The following RNF212B variants were observed in gnomAD, a reference collection of about 807,000 sequenced individuals.
RNF212B encodes the protein E3 ubiquitin-protein ligase RNF212B.
A neutral mutation model predicts 55.5 loss-of-function variants in RNF212B; 52 were observed. The observed-to-expected ratio is 0.94, with a 90% CI of 0.75 to 1.18. The LOEUF (loss-of-function observed/expected upper bound fraction) is 1.18. Among genes scored for constraint, RNF212B ranks in the 50% most tolerant of loss-of-function variants. RNF212B has a pLI of 0.00. For synonymous variants in RNF212B, 99 were observed against 121.4 expected, an observed-to-expected ratio of 0.82 and a Z score of 1.21; for missense variants, 289 against 350.4, an observed-to-expected ratio of 0.82 and a Z score of 1.40.
At chr14:23,241,805 C>T (rs1311300243) in intron 2 of RNF212B, among the ~76,000 whole-genome samples, 1 of 151,018 alleles carries the variant, frequency 6.6e-6, no homozygotes, top group Non-Finnish European at 1.5e-5. Flanking sequence ...AAAACCTGGC[C>T]GGGCGCAGTG....
At position 23,216,879 on chromosome 14, in the gene RNF212B, C is replaced by CAAAAAAAAAAA. The variant is rs59923716; in HGVS notation, c.-1-23451_-1-23441dup. Among the ~76,000 whole-genome samples, 8 of 48,770 alleles carry CAAAAAAAAAAA rather than the reference C, an allele frequency of 1.6e-4. 3 individuals are homozygous for CAAAAAAAAAAA. Among genetic ancestry groups the CAAAAAAAAAAA allele is most frequent in the Non-Finnish European group, 1.7e-4 (5 of 29,376 alleles). The allele number at this position is 48,770 out of a possible 152,430, so 32.0% of individuals were successfully genotyped here. A position where few individuals can be genotyped will look rare whatever the true frequency, so the allele number is the denominator to read the frequency against. On this transcript the variant is annotated intron_variant, in intron 2 of 15. Transcript: ENST00000399910. ...TGGGTGACTGAATGTGACCCTGTCT[C>CAAAAAAAAAAA]AAAAAAAAAAAAAAAAAAAAAAAAA... is the stretch of plus-strand genomic sequence containing the variant.
intron 4 of RNF212B, among the ~76,000 whole-genome samples, chr14:23,250,819 G>T (rs531929355): frequency 2.0e-5 from 3 of 152,276 alleles, no homozygotes; most frequent in African/African-American, 7.2e-5. Flanking sequence ...TGGTTCGATC[G>T]GGAAAGGTGG....
chr14:23,205,348 A>G (rs1879736959), intron 2 of RNF212B, among the ~76,000 whole-genome samples: 1 of 151,740 alleles, frequency 6.6e-6, no homozygotes, highest in Admixed American at 6.6e-5. Context: ...GTTTTCCTAC[A>G]ATATATATTT....
intron 4 of RNF212B, among the ~76,000 whole-genome samples, chr14:23,254,938 G>A (rs1200280672): frequency 1.3e-5 from 2 of 152,138 alleles, no homozygotes; most frequent in South Asian, 2.1e-4. Flanking sequence ...ATAAAATAAA[G>A]TTTATACAAG....
At chr14:23,195,468 A>G (rs1439719393) in intron 2 of RNF212B, among the ~76,000 whole-genome samples, 2 of 152,174 alleles carry the variant, frequency 1.3e-5, no homozygotes, top group East Asian at 1.9e-4. Context: ...CTTTGTTCCC[A>G]TGATTCACCC....
At chr14:23,231,251 G>A (rs915486640) in intron 2 of RNF212B, among the ~76,000 whole-genome samples, 8 of 152,124 alleles carry the variant, frequency 5.3e-5, no homozygotes, top group Non-Finnish European at 1.0e-4. Context: ...AACAAGTCTT[G>A]TGCCTCTCCT....
chr14:23,202,489 T>C (rs888457739), intron 2 of RNF212B, among the ~76,000 whole-genome samples: 2 of 152,312 alleles, frequency 1.3e-5, no homozygotes, highest in Admixed American at 1.3e-4. Flanking sequence ...TTTCTTGCCC[T>C]GTGTCTCAGG....
chr14:23,185,993 A>G (rs1392905051), intron 1 of RNF212B, among the ~76,000 whole-genome samples: 1 of 152,102 alleles, frequency 6.6e-6, no homozygotes, highest in African/African-American at 2.4e-5. Context: ...CCAGCTACTC[A>G]GGAGGCTGAG....
chr14:23,266,206 G>A (rs1169991358), intron 11 of RNF212B, among the ~76,000 whole-genome samples: 4 of 151,840 alleles, frequency 2.6e-5, no homozygotes, highest in African/African-American at 4.8e-5. Flanking sequence ...TGATCTGCCC[G>A]CCTCAGCCTC....
At chr14:23,186,799 G>T (rs1475065449) in intron 1 of RNF212B, among the ~76,000 whole-genome samples, 1 of 152,162 alleles carries the variant, frequency 6.6e-6, no homozygotes, top group Non-Finnish European at 1.5e-5. Context: ...GAGGCTTAAA[G>T]AAATATTTTA....
At chr14:23,247,554 C>G (rs755662650) in intron 4 of RNF212B, among the ~76,000 whole-genome samples, 4 of 152,082 alleles carry the variant, frequency 2.6e-5, no homozygotes, top group Non-Finnish European at 5.9e-5. Flanking sequence ...ATAATGCTCT[C>G]AAGTTTCATC....
Position 23,240,424 on chromosome 14 carries a change from T to A in RNF212B, c.79T>A (p.Cys27Ser), listed in dbSNP as rs753470758. ...TGTCACCAGCTGTGGCCATATTTTC[T>A]GTAAAAAGTGTGTGACTCTGGGTGA... The part of the protein sequence containing the change: ...FFVTSCGHIF[C>S]KKCVTLEKCA... The change falls in exon 2 of 15, where the codon TGT becomes AGT. Residue 27 changes from cysteine (C) to serine (S), a missense_variant. Coordinates refer to ENST00000430154, the MANE Select transcript of RNF212B (RefSeq NM_001282322.3). 737 of 1,550,038 alleles carry A rather than the reference T, an allele frequency of 4.8e-4. 3 individuals carry two copies. Among genetic ancestry groups the A allele is most frequent in the South Asian group, 6.4e-4 (54 of 84,008 alleles).
intron 4 of RNF212B, among the ~76,000 whole-genome samples, chr14:23,250,792 A>G (rs1315155487): frequency 6.6e-6 from 1 of 152,206 alleles, no homozygotes. Context: ...ATCAATCAAC[A>G]TATGTATGAT....
At chr14:23,206,648 A>G (rs1668237046) in intron 2 of RNF212B, among the ~76,000 whole-genome samples, 1 of 152,308 alleles carries the variant, frequency 6.6e-6, no homozygotes, top group Admixed American at 6.5e-5. Context: ...AAATTTGCAC[A>G]TTAAAGGAAA....
chr14:23,236,176 C>G (rs1050472899), upstream of RNF212B, among the ~76,000 whole-genome samples: 4 of 152,198 alleles, frequency 2.6e-5, no homozygotes, highest in Admixed American at 2.6e-4. Context: ...ACTCTTCTCA[C>G]TAAATTTTTC....
intron 2 of RNF212B, among the ~76,000 whole-genome samples, chr14:23,229,791 A>G (rs761427295): frequency 4.6e-5 from 7 of 152,132 alleles, no homozygotes; most frequent in Non-Finnish European, 8.8e-5. Context: ...TCACATATTT[A>G]TTACTGAACC....
At position 23,231,743 on chromosome 14, in the gene RNF212B, G is replaced by T. The variant is rs567451648; in HGVS notation, c.-1-8602G>T. On this transcript the variant is annotated intron_variant, in intron 2 of 15. Transcript: ENST00000399910. ...TCGGCTCACTGCAACCTCCCTGCCT[G>T]ATTCTCCTGCCTCAGCCTGCCCAGT... 4.6e-3 allele frequency among the ~76,000 whole-genome samples: 681 copies of T among 148,730 alleles called. 3 individuals carry two copies. The highest frequency in any genetic ancestry group is 0.015 in the African/African-American group (628 of 40,888).
At chr14:23,272,548 T>C (rs1886185134) in intron 14 of RNF212B, 1 of 430,530 alleles carries the variant, frequency 2.3e-6, no homozygotes, top group Admixed American at 4.0e-5. Context: ...CTGGGTGTGG[T>C]AGTCATATGT....
At chr14:23,251,375 C>T (rs1342886102) in intron 4 of RNF212B, among the ~76,000 whole-genome samples, 1 of 152,240 alleles carries the variant, frequency 6.6e-6, no homozygotes, top group Admixed American at 6.5e-5. Context: ...ATGGGGTACC[C>T]AGGCTAAAAT....
Sources: gnomAD v4.1 joint callset for allele counts (sites outside exome capture counted in the v4.1 genomes callset) on GRCh38, gnomAD v4.1.1 for gene constraint, MANE v1.5 for transcripts, NCBI Gene and HGNC (gene_info 2026-07-23, HGNC 2026-07-21) for gene names.